Variants in MAPKAPK2 observed in about 807,000 individuals in gnomAD.
MAPKAPK2 encodes the protein MAPK activated protein kinase 2.
A neutral mutation model predicts 48.8 loss-of-function variants in MAPKAPK2; 9 were observed. The observed-to-expected ratio is 0.18, with a 90% CI of 0.11 to 0.32. MAPKAPK2 has a LOEUF of 0.32. Among genes scored for constraint, MAPKAPK2 ranks in the 10% least tolerant of loss-of-function variants. MAPKAPK2 has a pLI of 1.00. For missense variants in MAPKAPK2, 331 were observed against 498.3 expected (o/e 0.66, Z 3.20); for synonymous variants, 202 against 190.6 (o/e 1.06, Z -0.49).
chr1:206,701,602 G>A (rs1672795894), intron 1 of MAPKAPK2, among the ~76,000 whole-genome samples: 1 of 152,036 alleles, frequency 6.6e-6, no homozygotes, highest in African/African-American at 2.4e-5. Flanking sequence ...ATGAGGCTGA[G>A]GCAGGCAAAT....
chr1:206,690,791 T>C (rs186939451), intron 1 of MAPKAPK2, among the ~76,000 whole-genome samples: 49 of 152,274 alleles, frequency 3.2e-4, no homozygotes, highest in Admixed American at 7.8e-4. Context: ...TCTGAGCCAT[T>C]GCCCAGTTCC....
chr1:206,725,896 G>GC (rs1330313169), intron 1 of MAPKAPK2, among the ~76,000 whole-genome samples: 68 of 152,128 alleles, frequency 4.5e-4, no homozygotes, highest in African/African-American at 1.6e-3. Flanking sequence ...ATCTTCTTCT[G>GC]CCCCCCACTA....
chr1:206,691,484 T>TAG (rs1672452612), intron 1 of MAPKAPK2, among the ~76,000 whole-genome samples: 3 of 123,518 alleles, frequency 2.4e-5, no homozygotes, highest in Non-Finnish European at 3.5e-5. Context: ...TATTTTAAGA[T>TAG]ATATATATAT....
intron 1 of MAPKAPK2, among the ~76,000 whole-genome samples, chr1:206,724,833 A>G (rs1178109300): frequency 6.6e-6 from 1 of 152,200 alleles, no homozygotes; most frequent in Non-Finnish European, 1.5e-5. Context: ...AAATCAAATT[A>G]GATCTTGCCC....
intron 1 of MAPKAPK2, among the ~76,000 whole-genome samples, chr1:206,691,527 A>G (rs1381339927): frequency 2.7e-5 from 4 of 148,316 alleles, no homozygotes; most frequent in Non-Finnish European, 6.0e-5. Flanking sequence ...AGATATAGAT[A>G]TGTAGAGATG....
intron 1 of MAPKAPK2, among the ~76,000 whole-genome samples, chr1:206,727,213 A>G (rs1673727473): frequency 6.6e-6 from 1 of 152,234 alleles, no homozygotes; most frequent in Non-Finnish European, 1.5e-5. Context: ...GGTGATAAAA[A>G]TGACAGCTAT....
At chr1:206,728,337 T>C (rs1572514424) in intron 1 of MAPKAPK2, among the ~76,000 whole-genome samples, 2 of 152,004 alleles carry the variant, frequency 1.3e-5, no homozygotes, top group South Asian at 4.2e-4. Flanking sequence ...TTTCCAATAC[T>C]GTATTGGTTT....
chr1:206,719,217 G>A (rs1043923677), intron 1 of MAPKAPK2, among the ~76,000 whole-genome samples: 3 of 152,194 alleles, frequency 2.0e-5, no homozygotes, highest in Non-Finnish European at 4.4e-5. Context: ...GTCATCTACA[G>A]TGCGATTTTT....
chr1:206,687,425 C>A (rs1474313056), intron 1 of MAPKAPK2, among the ~76,000 whole-genome samples: 2 of 152,152 alleles, frequency 1.3e-5, no homozygotes, highest in Admixed American at 1.3e-4. Flanking sequence ...TAGAAGTGGG[C>A]GAAGAGTGAA....
intron 1 of MAPKAPK2, among the ~76,000 whole-genome samples, chr1:206,720,729 A>G (rs1192339295): frequency 1.3e-5 from 2 of 152,192 alleles, no homozygotes; most frequent in Non-Finnish European, 2.9e-5. Context: ...TGCTGTACAT[A>G]AGGGTTTGTA....
Position 206,685,180 on chromosome 1 carries a change from AG to A in MAPKAPK2, c.-45del. The A allele has an allele frequency of 1.1e-5, 3 of 263,094 alleles. No homozygotes were observed. The highest frequency in any genetic ancestry group is 1.4e-5 in the Non-Finnish European group (2 of 145,354). The allele number at this position is 263,094 out of a possible 1,614,324, so 16.3% of individuals were successfully genotyped here. On this transcript the variant is annotated 5_prime_UTR_variant, in exon 1 of 10. Transcript: ENST00000367103. Reference sequence around the variant, plus strand: ...CGGGGAGGGGGCCCGGAGCCGGAGGAGGGGGCGGCCGCGGGCACCCCCGCCT... The same window carrying A: ...CGGGGAGGGGGCCCGGAGCCGGAGGAGGGGCGGCCGCGGGCACCCCCGCCT...
intron 1 of MAPKAPK2, among the ~76,000 whole-genome samples, chr1:206,691,502 T>TATATATATATATAC (rs1553426248): frequency 2.0e-4 from 27 of 132,642 alleles, no homozygotes; most frequent in African/African-American, 6.4e-4. Flanking sequence ...TATATATATA[T>TATATATATATATAC]ATACACACAT....
At chr1:206,705,495 C>T (rs1672926662) in intron 1 of MAPKAPK2, among the ~76,000 whole-genome samples, 1 of 152,214 alleles carries the variant, frequency 6.6e-6, no homozygotes, top group Non-Finnish European at 1.5e-5. Context: ...TCTGAGGCAG[C>T]TGCTTGCTAA....
At chr1:206,729,182 G>T (rs939673869) in intron 3 of MAPKAPK2, 83 bp downstream of exon 3, 4 of 1,439,886 alleles carry the variant, frequency 2.8e-6, no homozygotes, top group Admixed American at 3.4e-5. Context: ...GCCTGCTCTT[G>T]GGGAAGGGTG....
At chr1:206,717,862 A>C (rs1673382903) in intron 1 of MAPKAPK2, among the ~76,000 whole-genome samples, 1 of 148,750 alleles carries the variant, frequency 6.7e-6, no homozygotes, top group Non-Finnish European at 1.5e-5. Context: ...AGAGATATAA[A>C]ACAGAAAGAA....
chr1:206,715,837 A>G (rs1054634556), intron 1 of MAPKAPK2, among the ~76,000 whole-genome samples: 3 of 151,982 alleles, frequency 2.0e-5, no homozygotes, highest in Middle Eastern at 3.4e-3. Flanking sequence ...TGTGTTGCCC[A>G]GGCTGGTCTT....
rs1553432607 is a variant in MAPKAPK2, at chr1:206,731,204, C to T, written c.834C>T (p.Arg278=). 5 of 1,614,216 alleles carry T rather than the reference C, an allele frequency of 3.1e-6. No homozygotes were observed. The change falls in exon 7 of 10, where the codon CGC becomes CGT. Residue 278 remains arginine, a synonymous_variant. Transcript: ENST00000367103. This position sits in a 1 kb window ranked among gnomAD's most constrained non-coding sequence, Gnocchi z 5.9. ...GLAISPGMKT[R]IRMGQYEFPN... is the part of the protein sequence containing the mutation. Reference sequence around the variant, plus strand: ...CCATCTCTCCGGGCATGAAGACTCGCATCCGAATGGGCCAGTATGAATTTC... The same window carrying T: ...CCATCTCTCCGGGCATGAAGACTCGTATCCGAATGGGCCAGTATGAATTTC...
intron 1 of MAPKAPK2, among the ~76,000 whole-genome samples, chr1:206,695,162 C>T (rs1160134711): frequency 1.3e-5 from 2 of 151,986 alleles, no homozygotes; most frequent in Non-Finnish European, 2.9e-5. Context: ...TACCTGGGCT[C>T]GGATACTTTA....
At chr1:206,711,660 C>T (rs1673149058) in intron 1 of MAPKAPK2, among the ~76,000 whole-genome samples, 1 of 150,050 alleles carries the variant, frequency 6.7e-6, no homozygotes, top group South Asian at 2.1e-4. Context: ...CTCTGTCCCC[C>T]ATGCTGGAGT....
Sources: gnomAD v4.1 joint callset for allele counts (sites outside exome capture counted in the v4.1 genomes callset) on GRCh38, gnomAD v4.1.1 for gene constraint, Gnocchi (gnomAD v3.1) non-coding constraint, MANE v1.5 for transcripts, NCBI Gene and HGNC (gene_info 2026-07-23, HGNC 2026-07-21) for gene names.